The following ITGB3BP variants were observed in gnomAD, a reference collection of about 807,000 sequenced individuals.
ITGB3BP encodes centromere protein R.
ITGB3BP carries 27 observed loss-of-function variants against 29.1 expected under a neutral mutation model. The observed-to-expected ratio is 0.93, with a 90% CI of 0.68 to 1.28. ITGB3BP has a LOEUF of 1.28. Among genes scored for constraint, ITGB3BP ranks in the 50% most tolerant of loss-of-function variants. ITGB3BP has a pLI of 0.00. For synonymous variants in ITGB3BP, 61 were observed against 61.4 expected (o/e 0.99, Z 0.03); for missense variants, 192 against 200.2 (o/e 0.96, Z 0.25).
At chr1:63,503,696 G>A (rs1053054537) in intron 2 of ITGB3BP, among the ~76,000 whole-genome samples, 1 of 152,160 alleles carries the variant, frequency 6.6e-6, no homozygotes, top group Non-Finnish European at 1.5e-5. Context: ...TTTATAAGGT[G>A]TAAGGAAGGG....
chr1:63,502,866 G>A (rs1008626117), intron 2 of ITGB3BP, among the ~76,000 whole-genome samples: 1 of 152,088 alleles, frequency 6.6e-6, no homozygotes, highest in East Asian at 1.9e-4. Context: ...TGGCTGCATA[G>A]TATTCCATGG....
intron 3 of ITGB3BP, among the ~76,000 whole-genome samples, chr1:63,483,231 A>AT (rs1343677563): frequency 2.6e-5 from 4 of 152,198 alleles, no homozygotes; most frequent in Non-Finnish European, 5.9e-5. Flanking sequence ...AAACCTTGTC[A>AT]TATTTAAAAG....
chr1:63,467,050 T>C (rs1645110948), intron 4 of ITGB3BP, among the ~76,000 whole-genome samples: 1 of 152,014 alleles, frequency 6.6e-6, no homozygotes, highest in South Asian at 2.1e-4. Context: ...GCTCGGCTCA[T>C]TTTTTTAGTT....
intron 2 of ITGB3BP, among the ~76,000 whole-genome samples, chr1:63,503,949 T>G (rs1434325418): frequency 6.7e-6 from 1 of 150,314 alleles, no homozygotes; most frequent in Non-Finnish European, 1.5e-5. Context: ...GGTAGCGTGA[T>G]GCCTCTGGCT....
intron 7 of ITGB3BP, among the ~76,000 whole-genome samples, chr1:63,451,117 A>C (rs1337965338): frequency 6.6e-6 from 1 of 151,908 alleles, no homozygotes; most frequent in Non-Finnish European, 1.5e-5. Flanking sequence ...AGAAGAGGCA[A>C]TGATAGCATA....
chr1:63,475,439 T>C (rs1227002699), intron 4 of ITGB3BP, among the ~76,000 whole-genome samples: 1 of 152,118 alleles, frequency 6.6e-6, no homozygotes, highest in Non-Finnish European at 1.5e-5. Context: ...CCTGTACTTC[T>C]AGCTACTCAG....
At chr1:63,523,287 C>G, upstream of ITGB3BP, 2 of 945,676 alleles carry the variant, frequency 2.1e-6, no homozygotes, top group Non-Finnish European at 3.4e-6. Context: ...ATCCTCCCCG[C>G]GACGAAGGAT....
At chr1:63,469,996 G>C (rs1645168867) in intron 4 of ITGB3BP, among the ~76,000 whole-genome samples, 4 of 152,344 alleles carry the variant, frequency 2.6e-5, no homozygotes, top group Admixed American at 2.6e-4. Flanking sequence ...ACAAACAATA[G>C]CATGAGCGAT....
At chr1:63,478,945 G>A (rs1645389910) in intron 3 of ITGB3BP, 112 bp from the exon 4 acceptor site, 1 of 423,318 alleles carries the variant, frequency 2.4e-6, no homozygotes, top group African/African-American at 2.1e-5. Flanking sequence ...ACAAATGGAA[G>A]GGAGGTGGGC....
upstream of ITGB3BP, chr1:63,523,531 C>T (rs2100849972): frequency 3.7e-6 from 1 of 270,474 alleles, no homozygotes; most frequent in Admixed American, 4.9e-5. Context: ...GTGCAGTTGC[C>T]ATGGTGATTA....
intron 3 of ITGB3BP, among the ~76,000 whole-genome samples, chr1:63,484,400 T>C (rs1308034948): frequency 1.3e-5 from 2 of 152,118 alleles, no homozygotes; most frequent in East Asian, 3.8e-4. Context: ...CAAGAACTGC[T>C]TTAGTATAAT....
intron 1 of ITGB3BP, among the ~76,000 whole-genome samples, chr1:63,512,764 T>C (rs1309401346): frequency 6.6e-6 from 1 of 152,154 alleles, no homozygotes; most frequent in Non-Finnish European, 1.5e-5. Context: ...CTCCACACTA[T>C]AATAGAGATG....
chr1:63,445,143 G>A (rs916199655), intron 8 of ITGB3BP, among the ~76,000 whole-genome samples: 1 of 151,932 alleles, frequency 6.6e-6, no homozygotes, highest in African/African-American at 2.4e-5. Context: ...ACAATCAGCC[G>A]GGCATGGTGG....
At chr1:63,456,958 T>G (rs1340260322) in intron 4 of ITGB3BP, among the ~76,000 whole-genome samples, 2 of 152,198 alleles carry the variant, frequency 1.3e-5, no homozygotes, top group East Asian at 3.8e-4. Flanking sequence ...AAATATCAAT[T>G]ATCTGGGGAA....
At chr1:63,472,817 G>A (rs1304606307) in intron 4 of ITGB3BP, among the ~76,000 whole-genome samples, 1 of 151,848 alleles carries the variant, frequency 6.6e-6, no homozygotes, top group Non-Finnish European at 1.5e-5. Flanking sequence ...CGTGATCTCG[G>A]CTCGCTACAA....
At chr1:63,471,144 C>T (rs1481506624) in intron 4 of ITGB3BP, among the ~76,000 whole-genome samples, 1 of 152,028 alleles carries the variant, frequency 6.6e-6, no homozygotes, top group Admixed American at 6.6e-5. Context: ...CTGGGCTGTA[C>T]TTTCACACTC....
chr1:63,521,972 T>C (rs1326362095), intron 1 of ITGB3BP, among the ~76,000 whole-genome samples: 1 of 152,208 alleles, frequency 6.6e-6, no homozygotes, highest in Non-Finnish European at 1.5e-5. Flanking sequence ...GAGAACTGGA[T>C]GATTTTTCTA....
intron 2 of ITGB3BP, among the ~76,000 whole-genome samples, chr1:63,506,956 T>C (rs561773461): frequency 1.8e-4 from 27 of 152,326 alleles, no homozygotes; most frequent in South Asian, 4.1e-4. Context: ...GAGTATATAA[T>C]TGGGAGCCAG....
At chr1:63,509,595 GA>G (rs1168425698) in intron 1 of ITGB3BP, among the ~76,000 whole-genome samples, 10 of 152,078 alleles carry the variant, frequency 6.6e-5, no homozygotes, top group Admixed American at 2.0e-4. Context: ...GTCAATCTAA[GA>G]AAATCATTGA....
Sources: allele counts gnomAD v4.1 joint callset (sites outside exome capture counted in the v4.1 genomes callset), GRCh38; gene constraint gnomAD v4.1.1; transcripts MANE v1.5; gene names NCBI Gene and HGNC (gene_info 2026-07-23, HGNC 2026-07-21).